The following NKAIN2 variants were observed in gnomAD, a reference collection of about 807,000 sequenced individuals.
NKAIN2 encodes the protein sodium/potassium transporting ATPase interacting 2.
A neutral mutation model predicts 32.6 loss-of-function variants in NKAIN2; 14 were observed. The observed-to-expected ratio is 0.43, with a 90% confidence interval of 0.28 to 0.67. NKAIN2 has a LOEUF of 0.67. Among genes scored for constraint, NKAIN2 ranks in the 30% least tolerant of loss-of-function variants. The pLI, the probability that NKAIN2 is intolerant of heterozygous loss-of-function variation, is 0.17. For synonymous variants in NKAIN2, 80 were observed against 87.2 expected, an observed-to-expected ratio of 0.92 and a Z score of 0.46; for missense variants, 198 against 258.3, an observed-to-expected ratio of 0.77 and a Z score of 1.60.
intron 1 of NKAIN2, among the ~76,000 whole-genome samples, chr6:123,933,877 A>C (rs576046113): frequency 9.2e-5 from 14 of 152,244 alleles, no homozygotes; most frequent in Non-Finnish European, 1.6e-4. Context: ...TGGAGTAAGA[A>C]GGAATGGCAG....
intron 3 of NKAIN2, among the ~76,000 whole-genome samples, chr6:124,413,038 G>A (rs548961976): frequency 6.6e-6 from 1 of 152,314 alleles, no homozygotes; most frequent in East Asian, 1.9e-4. Context: ...CAGTATTAAA[G>A]TGGGAGTGAC....
At chr6:124,606,484 G>A (rs1336347604) in intron 3 of NKAIN2, among the ~76,000 whole-genome samples, 4 of 151,980 alleles carry the variant, frequency 2.6e-5, no homozygotes, top group African/African-American at 9.7e-5. Flanking sequence ...TGGTAAAGGA[G>A]TTTTGCTTTG....
At chr6:124,423,493 G>C (rs747882599) in intron 3 of NKAIN2, among the ~76,000 whole-genome samples, 5 of 152,196 alleles carry the variant, frequency 3.3e-5, no homozygotes, top group Non-Finnish European at 5.9e-5. Context: ...CCCAAAAGGT[G>C]ATGTTAATTT....
chr6:124,002,389 A>G (rs898726818), intron 1 of NKAIN2, among the ~76,000 whole-genome samples: 1 of 152,154 alleles, frequency 6.6e-6, no homozygotes, highest in African/African-American at 2.4e-5. Flanking sequence ...CACTGAGGAA[A>G]TTACAAAGAA....
chr6:124,405,670 G>A (rs1030812591), intron 3 of NKAIN2, among the ~76,000 whole-genome samples: 11 of 151,658 alleles, frequency 7.3e-5, no homozygotes, highest in East Asian at 5.8e-4. Context: ...GTGAGCCACC[G>A]CACCCGGCAA....
At chr6:124,374,004 A>C (rs975206287) in intron 3 of NKAIN2, among the ~76,000 whole-genome samples, 4 of 152,102 alleles carry the variant, frequency 2.6e-5, no homozygotes, top group African/African-American at 9.7e-5. Flanking sequence ...CAGTTATTGG[A>C]AGATGTTTGT....
chr6:124,353,808 C>A (rs74674895), intron 2 of NKAIN2, among the ~76,000 whole-genome samples: 1 of 151,744 alleles, frequency 6.6e-6, no homozygotes. Context: ...CATGGAACAG[C>A]AAATAATATA....
intron 1 of NKAIN2, among the ~76,000 whole-genome samples, chr6:123,905,446 CT>C (rs751026591): frequency 1.1e-4 from 17 of 152,126 alleles, no homozygotes; most frequent in Non-Finnish European, 1.9e-4. Flanking sequence ...ATAAACAAAG[CT>C]GCCCCTACCA....
intron 1 of NKAIN2, among the ~76,000 whole-genome samples, chr6:123,881,844 T>C (rs1773471873): frequency 6.6e-6 from 1 of 152,310 alleles, no homozygotes; most frequent in Non-Finnish European, 1.5e-5. Flanking sequence ...TGTGTGGACA[T>C]TCTTTCATAC....
At chr6:124,221,737 G>C (rs1230201378) in intron 1 of NKAIN2, among the ~76,000 whole-genome samples, 1 of 152,060 alleles carries the variant, frequency 6.6e-6, no homozygotes, top group Non-Finnish European at 1.5e-5. Context: ...CTGGAATCAT[G>C]CTTCCAACCT....
intron 3 of NKAIN2, among the ~76,000 whole-genome samples, chr6:124,584,406 C>T (rs1319669108): frequency 6.6e-6 from 1 of 152,176 alleles, no homozygotes; most frequent in African/African-American, 2.4e-5. Context: ...AATCCCAACA[C>T]TTTGGGAGGC....
chr6:123,826,345 T>A (rs1044515688), intron 1 of NKAIN2, among the ~76,000 whole-genome samples: 7 of 152,220 alleles, frequency 4.6e-5, no homozygotes, highest in African/African-American at 1.4e-4. Flanking sequence ...TCAGCTTTTT[T>A]AAATTGTTGT....
At chr6:124,706,798 G>C (rs1296476439) in intron 4 of NKAIN2, among the ~76,000 whole-genome samples, 2 of 152,072 alleles carry the variant, frequency 1.3e-5, no homozygotes, top group Non-Finnish European at 2.9e-5. Context: ...AAATAAAACA[G>C]ACTGAATGCA....
chr6:124,225,599 G>A (rs754856907), intron 1 of NKAIN2, among the ~76,000 whole-genome samples: 38 of 151,770 alleles, frequency 2.5e-4, no homozygotes, highest in South Asian at 6.2e-4. Context: ...AGCATGCACC[G>A]TTATCAAGAG....
At chr6:124,182,264 T>C (rs2114548085) in intron 1 of NKAIN2, among the ~76,000 whole-genome samples, 1 of 152,240 alleles carries the variant, frequency 6.6e-6, no homozygotes, top group African/African-American at 2.4e-5. Context: ...CCATGACATG[T>C]GGGAATTATG....
intron 3 of NKAIN2, among the ~76,000 whole-genome samples, chr6:124,412,290 TC>T (rs1353020189): frequency 6.6e-6 from 1 of 152,158 alleles, no homozygotes; most frequent in African/African-American, 2.4e-5. Context: ...CTCTGTTTTT[TC>T]CCCATCTTTG....
chr6:124,261,866 CAAA>C (rs1233407177), intron 1 of NKAIN2, among the ~76,000 whole-genome samples: 1 of 124,498 alleles, frequency 8.0e-6, no homozygotes, highest in Non-Finnish European at 1.6e-5. Flanking sequence ...CCATCTCACA[CAAA>C]AAAAAAAAAA....
At chr6:124,597,659 C>G (rs1030842044) in intron 3 of NKAIN2, among the ~76,000 whole-genome samples, 1 of 152,100 alleles carries the variant, frequency 6.6e-6, no homozygotes, top group Admixed American at 6.6e-5. Flanking sequence ...GATTCTTTAA[C>G]TCTCTACCTC....
At chr6:124,578,815 G>T (rs1424032493) in intron 3 of NKAIN2, among the ~76,000 whole-genome samples, 1 of 152,038 alleles carries the variant, frequency 6.6e-6, no homozygotes, top group African/African-American at 2.4e-5. Context: ...GTGGCCAGAG[G>T]GTGCTTTTGT....
Sources: gnomAD v4.1 joint callset for allele counts (sites outside exome capture counted in the v4.1 genomes callset) on GRCh38, gnomAD v4.1.1 for gene constraint, MANE v1.5 for transcripts, NCBI Gene and HGNC (gene_info 2026-07-23, HGNC 2026-07-21) for gene names.